CNTN5: variants seen among roughly 807,000 people sequenced by gnomAD.
CNTN5 encodes contactin 5.
Under a neutral mutation model 129.1 loss-of-function variants are expected in CNTN5, and 77 were observed. The ratio of observed to expected loss-of-function variants is 0.60; its 90% confidence interval spans 0.50 to 0.72. The LOEUF is 0.72. CNTN5 is among the 30% of genes least tolerant of loss of function. The pLI is 0.00. For synonymous variants in CNTN5, 509 were observed against 465.6 expected (o/e 1.09, Z -1.20); for missense variants, 1,478 against 1,328.8 (o/e 1.11, Z -1.75).
chr11:99,215,791 G>A (rs1379542773), intron 1 of CNTN5, among the ~76,000 whole-genome samples: 1 of 152,150 alleles, frequency 6.6e-6, no homozygotes, highest in African/African-American at 2.4e-5. Context: ...AAAGTAATGT[G>A]AATGGAAATC....
intron 6 of CNTN5, among the ~76,000 whole-genome samples, chr11:99,850,134 G>A (rs1947826171): frequency 6.6e-6 from 1 of 152,050 alleles, no homozygotes; most frequent in African/African-American, 2.4e-5. Context: ...AACAGTTTAG[G>A]AGACATTGAG....
At chr11:99,715,038 T>A (rs1955161181) in intron 3 of CNTN5, among the ~76,000 whole-genome samples, 1 of 151,998 alleles carries the variant, frequency 6.6e-6, no homozygotes, top group Admixed American at 6.6e-5. Context: ...CTAATAATAG[T>A]ACCTAACTTA....
intron 1 of CNTN5, among the ~76,000 whole-genome samples, chr11:99,127,872 C>G (rs1233784057): frequency 6.6e-6 from 1 of 152,098 alleles, no homozygotes; most frequent in Non-Finnish European, 1.5e-5. Context: ...GAGTAAGATT[C>G]AATAATTTCA....
intron 9 of CNTN5, among the ~76,000 whole-genome samples, chr11:100,010,463 T>A (rs1940460326): frequency 6.6e-6 from 1 of 152,088 alleles, no homozygotes; most frequent in Non-Finnish European, 1.5e-5. Context: ...TGTATTTTAT[T>A]GCTGCTAAGG....
intron 3 of CNTN5, among the ~76,000 whole-genome samples, chr11:99,629,896 TAAA>T (rs1196916003): frequency 1.3e-5 from 2 of 151,736 alleles, no homozygotes; most frequent in African/African-American, 2.4e-5. Flanking sequence ...AAATATTTGA[TAAA>T]AATAATACTT....
chr11:100,146,407 A>G (rs954426590), intron 13 of CNTN5, among the ~76,000 whole-genome samples: 3 of 152,142 alleles, frequency 2.0e-5, no homozygotes, highest in Non-Finnish European at 4.4e-5. Flanking sequence ...CACACACACA[A>G]AATTTAAATA....
chr11:99,282,763 G>A (rs1466552138), intron 1 of CNTN5, among the ~76,000 whole-genome samples: 1 of 151,970 alleles, frequency 6.6e-6, no homozygotes, highest in African/African-American at 2.4e-5. Context: ...AAACAGGAAA[G>A]CGTTACTTTT....
In CNTN5 at chr11:99,819,581, T is replaced by C. The variant is rs1426465063; in HGVS notation, c.93T>C (p.Tyr31=). The C allele has an allele frequency of 1.2e-6, 2 of 1,612,758 alleles. No homozygotes were observed. The highest frequency in any genetic ancestry group is 2.7e-5 in the African/African-American group (2 of 74,964). The change falls in exon 4 of 25, where the codon TAT becomes TAC. Residue 31 remains tyrosine, a synonymous_variant. Transcript: ENST00000524871. ...CTCTTCCTGGTCTCTCCACTTCATATGCTGCTTTGTTAAGAATTAAGAAGA... is the reference window on the plus strand; with the variant it reads ...CTCTTCCTGGTCTCTCCACTTCATACGCTGCTTTGTTAAGAATTAAGAAGA... ...SKSLPGLSTS[Y]AALLRIKKSS...
intron 1 of CNTN5, among the ~76,000 whole-genome samples, chr11:99,148,829 A>G (rs1196933242): frequency 6.6e-6 from 1 of 152,110 alleles, no homozygotes; most frequent in East Asian, 1.9e-4. Flanking sequence ...ATGGAGCACA[A>G]GATTATTAAA....
intron 2 of CNTN5, among the ~76,000 whole-genome samples, chr11:99,504,186 T>C (rs1946529066): frequency 2.6e-5 from 4 of 152,166 alleles, no homozygotes. Flanking sequence ...TAAACTAATA[T>C]TTTGATAATA....
intron 7 of CNTN5, among the ~76,000 whole-genome samples, chr11:99,951,983 T>C (rs1393913905): frequency 1.3e-5 from 2 of 152,180 alleles, no homozygotes; most frequent in African/African-American, 4.8e-5. Flanking sequence ...ACCAAGTATC[T>C]TGTTGAGTTT....
At chr11:99,547,971 A>G (rs896539546) in intron 2 of CNTN5, among the ~76,000 whole-genome samples, 2 of 152,170 alleles carry the variant, frequency 1.3e-5, no homozygotes, top group African/African-American at 4.8e-5. Context: ...AAATGGAAAT[A>G]ATATATTTAC....
At chr11:99,226,029 T>C (rs1489471564) in intron 1 of CNTN5, among the ~76,000 whole-genome samples, 3 of 152,190 alleles carry the variant, frequency 2.0e-5, no homozygotes, top group Admixed American at 6.6e-5. Flanking sequence ...TTTGAAGTCA[T>C]CGTACAAATA....
chr11:99,491,123 C>G (rs908318825), intron 2 of CNTN5, among the ~76,000 whole-genome samples: 4 of 152,090 alleles, frequency 2.6e-5, no homozygotes, highest in Non-Finnish European at 5.9e-5. Flanking sequence ...ACAATGTACT[C>G]CTTTAGTTTC....
intron 13 of CNTN5, among the ~76,000 whole-genome samples, chr11:100,075,288 T>C (rs1425985063): frequency 6.6e-6 from 1 of 152,158 alleles, no homozygotes; most frequent in Non-Finnish European, 1.5e-5. Flanking sequence ...AATTACTGGC[T>C]TCAGCTTAGA....
intron 7 of CNTN5, among the ~76,000 whole-genome samples, chr11:99,924,814 A>G (rs1950023645): frequency 1.3e-5 from 2 of 152,100 alleles, no homozygotes; most frequent in South Asian, 4.1e-4. Flanking sequence ...TAGCTATTTA[A>G]CATTATTTTT....
In CNTN5 at chr11:99,722,029, G is replaced by A. The variant is rs1393170428; in HGVS notation, c.56-97515G>A. Among the ~76,000 whole-genome samples, 3 of 152,104 alleles carry A rather than the reference G, an allele frequency of 2.0e-5. No individual in the cohort carries two copies. The East Asian group carries it at 5.8e-4, about 29-fold the overall frequency. On this transcript the variant is annotated intron_variant, in intron 3 of 24. Coordinates refer to ENST00000524871, the MANE Select transcript of CNTN5 (RefSeq NM_014361.4). ...GAAAAGGGGACACTTGTACACTGTTGGTGGGAATGTAAATTAGTTCACCCA... is the reference window on the plus strand; with the variant it reads ...GAAAAGGGGACACTTGTACACTGTTAGTGGGAATGTAAATTAGTTCACCCA...
At chr11:99,800,606 A>G (rs940594475) in intron 3 of CNTN5, among the ~76,000 whole-genome samples, 2 of 152,142 alleles carry the variant, frequency 1.3e-5, no homozygotes, top group Non-Finnish European at 2.9e-5. Flanking sequence ...TACTTCTTTT[A>G]TGACTAAAAG....
intron 1 of CNTN5, among the ~76,000 whole-genome samples, chr11:99,230,077 G>A (rs1306246539): frequency 1.3e-5 from 2 of 151,858 alleles, no homozygotes; most frequent in African/African-American, 4.8e-5. Flanking sequence ...TTTCTGTCTG[G>A]AATAAAACTT....
Sources: allele counts gnomAD v4.1 joint callset (sites outside exome capture counted in the v4.1 genomes callset), GRCh38; gene constraint gnomAD v4.1.1; transcripts MANE v1.5; gene names NCBI Gene and HGNC (gene_info 2026-07-23, HGNC 2026-07-21).